The following TENM3 variants were observed in gnomAD, a reference collection of about 807,000 sequenced individuals.
TENM3 encodes teneurin transmembrane protein 3.
TENM3 carries 63 observed loss-of-function variants against 255.1 expected under a neutral mutation model. The ratio of observed to expected loss-of-function variants is 0.25; its 90% CI spans 0.20 to 0.30. The LOEUF (loss-of-function observed/expected upper bound fraction) is 0.30, where lower values mean the gene tolerates loss of function less well. Ranked by LOEUF, TENM3 falls within the 10% of genes least tolerant of loss-of-function variation. The probability of loss-of-function intolerance (pLI) is 1.00; values close to 1 mark genes in which losing one functional copy is unlikely to be tolerated. For missense variants in TENM3, 2,929 were observed against 3,461.1 expected (o/e 0.85, Z 3.86); for synonymous variants, 1,306 against 1,322.3 (o/e 0.99, Z 0.27).
chr4:181,522,781 A>T, the TENM3 span: 37 of 792,388 alleles, frequency 4.7e-5, no homozygotes, highest in Non-Finnish European at 1.1e-5. Context: ...GAACAACTGG[A>T]TCTGGATCCT....
intron 3 of TENM3, chr4:182,449,070 C>A: frequency 3.1e-6 from 1 of 326,902 alleles, no homozygotes; most frequent in South Asian, 2.1e-5. Flanking sequence ...ACAGCGAGGG[C>A]GCGCCGCGGC....
the TENM3 span, among the ~76,000 whole-genome samples, chr4:181,550,945 C>T: frequency 1.7e-4 from 13 of 78,040 alleles, no homozygotes; most frequent in Non-Finnish European, 3.6e-4. Context: ...TCCTGTAAGT[C>T]AGTGGGCTCA....
intron 1 of TENM3, among the ~76,000 whole-genome samples, chr4:182,149,976 A>G (rs1022337823): frequency 5.3e-5 from 8 of 152,094 alleles, no homozygotes; most frequent in African/African-American, 1.7e-4. Context: ...ATAAAATTGT[A>G]TCATTTATAT....
chr4:182,793,077 T>C lies in TENM3; in HGVS notation c.6405T>C (p.Asp2135=), dbSNP rs1422388498. Residue 2135 remains aspartate, a synonymous_variant, in exon 26 of 28, where the codon GAT becomes GAC. Transcript: ENST00000511685. The surrounding 1 kb of genome is among the most constrained non-coding windows in gnomAD (Gnocchi z 5.7). The stretch of plus-strand genomic sequence containing the variant: ...AATATGCTTATGAATATGATGTTGA[T>C]GGACAGCTCCAAACAGTTTACCTCA... ...TTKYAYEYDV[D]GQLQTVYLNE... 6.2e-7 allele frequency: 1 copy of C among 1,613,964 alleles called. No homozygotes were observed. Among genetic ancestry groups the C allele is most frequent in the Non-Finnish European group, 8.5e-7 (1 of 1,179,892 alleles).
At chr4:182,161,233 G>A (rs1386555155) in intron 1 of TENM3, among the ~76,000 whole-genome samples, 1 of 140,378 alleles carries the variant, frequency 7.1e-6, no homozygotes, top group Non-Finnish European at 1.5e-5. Flanking sequence ...TGGCTAACAC[G>A]GTGAAACCCC....
At chr4:182,526,687 T>G (rs1262052680) in intron 3 of TENM3, among the ~76,000 whole-genome samples, 1 of 152,240 alleles carries the variant, frequency 6.6e-6, no homozygotes, top group Non-Finnish European at 1.5e-5. Context: ...AATGACCGAC[T>G]GAATAAATGA....
At chr4:181,976,700 G>A in the TENM3 span, among the ~76,000 whole-genome samples, 1 of 152,172 alleles carries the variant, frequency 6.6e-6, no homozygotes, top group Non-Finnish European at 1.5e-5. Context: ...CAATTATACA[G>A]ACACAAATTA....
the TENM3 span, among the ~76,000 whole-genome samples, chr4:181,680,734 A>G: frequency 6.6e-6 from 1 of 152,158 alleles, no homozygotes; most frequent in Non-Finnish European, 1.5e-5. Context: ...TAAACTGTAC[A>G]GTGCTAGATA....
At chr4:181,955,805 A>G in the TENM3 span, among the ~76,000 whole-genome samples, 1 of 152,106 alleles carries the variant, frequency 6.6e-6, no homozygotes, top group East Asian at 1.9e-4. Flanking sequence ...TTAACTATTT[A>G]ATTAATTTTC....
chr4:182,698,975 G>A (rs372701288), intron 12 of TENM3, among the ~76,000 whole-genome samples: 2 of 152,280 alleles, frequency 1.3e-5, no homozygotes, highest in African/African-American at 4.8e-5. Flanking sequence ...TTTAACATAC[G>A]TTTTTCCACT....
the TENM3 span, among the ~76,000 whole-genome samples, chr4:181,551,836 ATATGTGTGTGTGTGTGTGTGTGTG>A: frequency 2.0e-4 from 4 of 20,382 alleles, no homozygotes; most frequent in Non-Finnish European, 4.4e-4. Context: ...ATATATATGT[ATATGTGTGTGTGTGTGTGTGTGTG>A]TGTGTGTGTG....
the TENM3 span, among the ~76,000 whole-genome samples, chr4:181,733,437 TA>T: frequency 1.3e-5 from 2 of 152,222 alleles, no homozygotes; most frequent in African/African-American, 4.8e-5. Context: ...ATCAGTTTTA[TA>T]AGAAAGGAGT....
At chr4:182,020,037 T>C in the TENM3 span, among the ~76,000 whole-genome samples, 1,761 of 152,044 alleles carry the variant, frequency 0.012, 37 homozygotes, top group African/African-American at 0.04. Flanking sequence ...CGAACTGCTT[T>C]GGGAATAGCT....
At chr4:182,286,281 C>T (rs796378452) in intron 1 of TENM3, among the ~76,000 whole-genome samples, 2 of 152,342 alleles carry the variant, frequency 1.3e-5, no homozygotes, top group African/African-American at 4.8e-5. Context: ...TTCTGCCTTT[C>T]TCTTAAACCT....
intron 24 of TENM3, among the ~76,000 whole-genome samples, chr4:182,779,967 A>G (rs1482165677): frequency 6.6e-6 from 1 of 150,806 alleles, no homozygotes; most frequent in Non-Finnish European, 1.5e-5. Flanking sequence ...CCTTTGTCAG[A>G]TGAGTAGGTT....
At chr4:181,829,892 C>A in the TENM3 span, 1 of 152,278 alleles carries the variant, frequency 6.6e-6, no homozygotes, top group Non-Finnish European at 1.5e-5. Context: ...CTCATGGTTA[C>A]GTTCTCTCCT....
At chr4:182,646,794 C>T (rs1752789741) in intron 5 of TENM3, among the ~76,000 whole-genome samples, 1 of 151,756 alleles carries the variant, frequency 6.6e-6, no homozygotes, top group Non-Finnish European at 1.5e-5. Context: ...ATACCCATAA[C>T]CATTGTGAGA....
chr4:181,626,428 G>T, the TENM3 span, among the ~76,000 whole-genome samples: 2 of 152,140 alleles, frequency 1.3e-5, no homozygotes, highest in South Asian at 2.1e-4. Context: ...AAGAAAAGAG[G>T]TTGCATTGGC....
At chr4:181,578,716 G>A in the TENM3 span, among the ~76,000 whole-genome samples, 1 of 152,118 alleles carries the variant, frequency 6.6e-6, no homozygotes, top group Non-Finnish European at 1.5e-5. Flanking sequence ...GGCTGCAGAT[G>A]GCCACCTCCC....
Sources: gnomAD v4.1 joint callset for allele counts (sites outside exome capture counted in the v4.1 genomes callset) on GRCh38, gnomAD v4.1.1 for gene constraint, Gnocchi (gnomAD v3.1) non-coding constraint, MANE v1.5 for transcripts, NCBI Gene and HGNC (gene_info 2026-07-23, HGNC 2026-07-21) for gene names.